The following TENM4 variants were observed in gnomAD, a reference collection of about 807,000 sequenced individuals.
The protein encoded by TENM4 is teneurin-4.
TENM4 carries 82 observed loss-of-function variants against 243.3 expected under a neutral mutation model. The ratio of observed to expected loss-of-function variants is 0.34; its 90% confidence interval spans 0.28 to 0.40. The LOEUF (loss-of-function observed/expected upper bound fraction) is 0.40, where lower values mean the gene tolerates loss of function less well. TENM4 is among the 10% of genes least tolerant of loss of function. The probability of loss-of-function intolerance (pLI) is 1.00; values close to 1 mark genes in which losing one functional copy is unlikely to be tolerated. For synonymous variants in TENM4, 1,412 were observed against 1,456.3 expected (o/e 0.97, Z 0.69); for missense variants, 3,138 against 3,673.3 (o/e 0.85, Z 3.77).
chr11:78,966,698 A>T (rs1333578609), intron 6 of TENM4, among the ~76,000 whole-genome samples: 1 of 152,174 alleles, frequency 6.6e-6, no homozygotes, highest in Non-Finnish European at 1.5e-5. Context: ...GAGCATTAGT[A>T]TCTGCGGCAG....
At chr11:79,337,683 T>C (rs1019649010) in intron 1 of TENM4, among the ~76,000 whole-genome samples, 10 of 152,214 alleles carry the variant, frequency 6.6e-5, no homozygotes, top group African/African-American at 2.4e-4. Context: ...ATGGACTCCC[T>C]GGTTTCTAGC....
chr11:79,152,144 T>C (rs192887156), intron 3 of TENM4, among the ~76,000 whole-genome samples: 1 of 152,300 alleles, frequency 6.6e-6, no homozygotes, highest in Non-Finnish European at 1.5e-5. Context: ...AATGTGTCCA[T>C]TGAGCCTGAG....
In TENM4 at chr11:78,658,173, C is replaced by T. The variant is rs1270930724; in HGVS notation, c.8195G>A (p.Gly2732Glu). 1 of 1,613,906 alleles carries T rather than the reference C, an allele frequency of 6.2e-7. No individual in the cohort carries two copies. Among genetic ancestry groups the T allele is most frequent in the African/African-American group, 1.3e-5 (1 of 74,938 alleles). The change falls in exon 34 of 34, where the codon GGG becomes GAG. Residue 2732 changes from glycine (G) to glutamate (E), a missense_variant. Physicochemically the swap from Gly to Glu is moderately conservative, Grantham distance 98. Around this residue, in one of 2 missense-constraint regions of TENM4, gnomAD observed 2,467 missense variants for 3,059.1 expected, o/e 0.81. Coordinates refer to ENST00000278550, the MANE Select transcript of TENM4 (RefSeq NM_001098816.3). ...EGEKQQVLST[G>E]RVQGYDGFFV... is the part of the protein sequence containing the mutation. ...AAAGCCGTCGTAGCCTTGCACCCGC[C>T]CTGTGCTCAGCACCTGCTGCTTCTC...
intron 3 of TENM4, among the ~76,000 whole-genome samples, chr11:79,172,966 CCTT>C (rs1165908735): frequency 7.2e-5 from 11 of 152,244 alleles, no homozygotes; most frequent in African/African-American, 2.6e-4. Context: ...TCATACTTGT[CCTT>C]CTTATAATCC....
At chr11:79,262,686 A>C (rs148419790) in intron 2 of TENM4, among the ~76,000 whole-genome samples, 1 of 152,356 alleles carries the variant, frequency 6.6e-6, no homozygotes, top group Non-Finnish European at 1.5e-5. Flanking sequence ...TTGGAGAAGC[A>C]GCTTGGTGTA....
intron 12 of TENM4, among the ~76,000 whole-genome samples, chr11:78,848,107 T>A (rs559753775): frequency 6.6e-6 from 1 of 151,518 alleles, no homozygotes; most frequent in South Asian, 2.1e-4. Flanking sequence ...CTGAACATCA[T>A]TGAACAAGTC....
chr11:79,318,205 T>C (rs529895530), intron 1 of TENM4, among the ~76,000 whole-genome samples: 9 of 151,996 alleles, frequency 5.9e-5, no homozygotes, highest in Non-Finnish European at 1.0e-4. Context: ...CCCCAGGGCC[T>C]ACCGTGTTCC....
Position 78,996,995 on chromosome 11 carries a change from G to A in TENM4, c.493+67743C>T, listed in dbSNP as rs534231067. 7.9e-5 allele frequency among the ~76,000 whole-genome samples: 12 copies of A among 152,070 alleles called. No individual in the cohort carries two copies. The East Asian group carries it at 9.7e-4, about 12-fold the overall frequency. On this transcript the variant is annotated intron_variant, in intron 6 of 33. Transcript: ENST00000278550. ...GGAGGCCTCTGGAGGCTTCCAGAAA[G>A]CCCCAAGGGGGGACCTTCAAGTAAG...
At chr11:78,841,550 GGT>G (rs1565401970) in intron 12 of TENM4, among the ~76,000 whole-genome samples, 2 of 152,206 alleles carry the variant, frequency 1.3e-5, no homozygotes, top group East Asian at 3.9e-4. Context: ...CATGGGAAGA[GGT>G]GTGTCTCCTC....
At chr11:79,293,888 T>C (rs146985071) in intron 2 of TENM4, among the ~76,000 whole-genome samples, 128 of 152,336 alleles carry the variant, frequency 8.4e-4, no homozygotes, top group African/African-American at 2.9e-3. Context: ...GCAGGCCCTC[T>C]AGGACCAAGG....
intron 2 of TENM4, among the ~76,000 whole-genome samples, chr11:79,237,741 G>T (rs768194252): frequency 7.6e-4 from 116 of 152,170 alleles, no homozygotes; most frequent in African/African-American, 2.6e-3. Flanking sequence ...AGAGGATTTC[G>T]TATCACAAAA....
chr11:78,809,268 C>T (rs535354764), intron 14 of TENM4, among the ~76,000 whole-genome samples: 2 of 152,326 alleles, frequency 1.3e-5, no homozygotes, highest in East Asian at 3.9e-4. Context: ...GAGAGGCTAC[C>T]TCCAGGCAAT....
chr11:79,133,185 C>G (rs868693948), intron 4 of TENM4, among the ~76,000 whole-genome samples: 1 of 152,232 alleles, frequency 6.6e-6, no homozygotes, highest in African/African-American at 2.4e-5. Flanking sequence ...ACTGACACCA[C>G]TGAAATACAA....
At chr11:78,715,555 C>T (rs1298222243) in intron 25 of TENM4, among the ~76,000 whole-genome samples, 8 of 152,080 alleles carry the variant, frequency 5.3e-5, no homozygotes, top group African/African-American at 1.4e-4. Context: ...TCCCAGAGTC[C>T]GTAAGAGCTG....
At chr11:79,374,304 T>G (rs572507681) in intron 1 of TENM4, among the ~76,000 whole-genome samples, 1 of 152,228 alleles carries the variant, frequency 6.6e-6, no homozygotes, top group East Asian at 1.9e-4. Context: ...GGGGAGGACA[T>G]CTGTGTCCCT....
intron 6 of TENM4, among the ~76,000 whole-genome samples, chr11:79,002,956 T>C (rs1858372076): frequency 6.6e-6 from 1 of 152,078 alleles, no homozygotes; most frequent in African/African-American, 2.4e-5. Flanking sequence ...AGAACCAAAC[T>C]GATCTGATAG....
intron 6 of TENM4, among the ~76,000 whole-genome samples, chr11:79,006,240 C>T (rs1858482645): frequency 6.6e-6 from 1 of 152,176 alleles, no homozygotes; most frequent in African/African-American, 2.4e-5. Context: ...ACCTCCCTTT[C>T]TACCTTCAGT....
chr11:79,137,948 C>A (rs1010097007), intron 4 of TENM4, among the ~76,000 whole-genome samples: 1 of 151,884 alleles, frequency 6.6e-6, no homozygotes, highest in Non-Finnish European at 1.5e-5. Context: ...TGAGTGTCAA[C>A]TTGATTGGAT....
At chr11:79,082,427 G>A (rs573248351) in intron 4 of TENM4, among the ~76,000 whole-genome samples, 53 of 152,248 alleles carry the variant, frequency 3.5e-4, no homozygotes, top group African/African-American at 1.2e-3. Context: ...GCAGTCAGCC[G>A]CATCCCAGCA....
Sources: allele counts gnomAD v4.1 joint callset (sites outside exome capture counted in the v4.1 genomes callset), GRCh38; gene constraint gnomAD v4.1.1; regional missense constraint gnomAD v4.1.1; transcripts MANE v1.5; gene names NCBI Gene and HGNC (gene_info 2026-07-23, HGNC 2026-07-21).